DDX10: variants seen among roughly 807,000 people sequenced by gnomAD.
The protein encoded by DDX10 is DEAD-box helicase 10, also known as probable ATP-dependent RNA helicase DDX10.
In DDX10, 74 loss-of-function variants were observed where a neutral mutation model predicts 104.3. The observed-to-expected ratio is 0.71, with a 90% CI of 0.59 to 0.86. DDX10 has a LOEUF of 0.86. Ranked by LOEUF, DDX10 falls within the 40% of genes least tolerant of loss-of-function variation. The pLI is 0.00. For missense variants in DDX10, 952 were observed against 1,040.0 expected (o/e 0.92, Z 1.16); for synonymous variants, 351 against 353.4 (o/e 0.99, Z 0.08).
intron 13 of DDX10, among the ~76,000 whole-genome samples, chr11:108,757,912 G>A (rs2094346400): frequency 6.6e-6 from 1 of 151,742 alleles, no homozygotes; most frequent in Admixed American, 6.6e-5. Context: ...TAATGTAATT[G>A]CATTCCTTTC....
chr11:108,782,569 A>T (rs1861721018), intron 13 of DDX10, among the ~76,000 whole-genome samples: 1 of 152,144 alleles, frequency 6.6e-6, no homozygotes, highest in African/African-American at 2.4e-5. Flanking sequence ...TTTGTGTAAT[A>T]CTTAGCAATT....
At chr11:108,687,458 T>C (rs10890881) in intron 6 of DDX10, among the ~76,000 whole-genome samples, 18,679 of 152,138 alleles carry the variant, frequency 0.12, 1,562 homozygotes, top group East Asian at 0.27. Flanking sequence ...TATAGGCACA[T>C]GCCACCATGC....
At chr11:108,885,131 T>C (rs532630980) in intron 16 of DDX10, among the ~76,000 whole-genome samples, 21 of 152,318 alleles carry the variant, frequency 1.4e-4, no homozygotes, top group African/African-American at 5.1e-4. Flanking sequence ...TTTGTTGTTG[T>C]TGGTTTCATT....
chr11:108,838,341 G>GT (rs1781318992), intron 13 of DDX10, 105 bp from the exon 14 acceptor site: 20 of 1,216,762 alleles, frequency 1.6e-5, no homozygotes, highest in Middle Eastern at 3.0e-4. Context: ...TAGCCAATGA[G>GT]TAATAAATGT....
At chr11:108,709,546 T>G (rs1378187996) in intron 10 of DDX10, among the ~76,000 whole-genome samples, 1 of 152,226 alleles carries the variant, frequency 6.6e-6, no homozygotes, top group African/African-American at 2.4e-5. Flanking sequence ...GTCCATTTCA[T>G]CTAGGTTATC....
At chr11:108,746,516 A>C (rs573711637) in intron 13 of DDX10, among the ~76,000 whole-genome samples, 2 of 152,142 alleles carry the variant, frequency 1.3e-5, no homozygotes, top group African/African-American at 2.4e-5. Context: ...TTGATGTACA[A>C]ATTCCTCAGT....
At chr11:108,805,038 A>G (rs571289605) in intron 13 of DDX10, among the ~76,000 whole-genome samples, 3 of 152,354 alleles carry the variant, frequency 2.0e-5, no homozygotes, top group African/African-American at 7.2e-5. Flanking sequence ...TAGCACAAGG[A>G]GGCAGGATCC....
At chr11:108,674,767 G>A (rs149132065) in intron 2 of DDX10, among the ~76,000 whole-genome samples, 109 of 152,232 alleles carry the variant, frequency 7.2e-4, no homozygotes, top group African/African-American at 2.6e-3. Context: ...GCCTGCCTTG[G>A]CCTCCCAAAG....
chr11:108,708,295 A>ATTT (rs200144585), intron 10 of DDX10, among the ~76,000 whole-genome samples: 2 of 129,372 alleles, frequency 1.5e-5, no homozygotes, highest in Non-Finnish European at 3.1e-5. Flanking sequence ...AGATCATGTG[A>ATTT]TTTTTTTTTT....
At chr11:108,916,619 A>G (rs767083826) in intron 16 of DDX10, among the ~76,000 whole-genome samples, 3 of 152,224 alleles carry the variant, frequency 2.0e-5, no homozygotes, top group Non-Finnish European at 4.4e-5. Context: ...TCAAAGAATC[A>G]TTGAAGTTTA....
intron 16 of DDX10, among the ~76,000 whole-genome samples, chr11:108,910,773 G>C (rs74609427): frequency 0.018 from 2,492 of 134,788 alleles, 110 homozygotes; most frequent in African/African-American, 0.065. Context: ...GTGTGTGTGT[G>C]TGTGTGTGTG....
At chr11:108,687,198 G>A (rs554794259) in intron 6 of DDX10, among the ~76,000 whole-genome samples, 6 of 152,216 alleles carry the variant, frequency 3.9e-5, no homozygotes, top group South Asian at 2.1e-4. Context: ...CCTTGCCAGC[G>A]TTTGGTGTCG....
At position 108,723,209 on chromosome 11, in the gene DDX10, A is replaced by G; in HGVS notation, c.1712A>G (p.His571Arg). ...KGGKRLEGTEHRQDNDTGNEE... is the reference protein window; with the variant it reads ...KGGKRLEGTERRQDNDTGNEE... ...GGAAAAAGACTCGAAGGGACAGAGC[A>G]CAGACAGGATAATGATACTGGTAAT... The change falls in exon 13 of 18, where the codon CAC becomes CGC. Residue 571 changes from histidine to arginine, a missense_variant. By Grantham distance (29) the His-to-Arg change is conservative. Coordinates refer to ENST00000322536, the MANE Select transcript of DDX10 (RefSeq NM_004398.4). The G allele has an allele frequency of 6.2e-7, 1 of 1,613,828 alleles. No homozygotes were observed. Among genetic ancestry groups the G allele is most frequent in the Admixed American group, 1.7e-5 (1 of 59,960 alleles).
At chr11:108,870,593 T>A (rs1863067742) in intron 16 of DDX10, among the ~76,000 whole-genome samples, 1 of 152,248 alleles carries the variant, frequency 6.6e-6, no homozygotes, top group Non-Finnish European at 1.5e-5. Context: ...GTTTCCTTAC[T>A]GTCTCCAGAT....
chr11:108,835,553 G>C (rs1862543394), intron 13 of DDX10, among the ~76,000 whole-genome samples: 1 of 152,188 alleles, frequency 6.6e-6, no homozygotes, highest in Admixed American at 6.5e-5. Context: ...AATAACAAAT[G>C]AATGAAACAC....
chr11:108,703,248 C>T (rs2094271032), intron 9 of DDX10, among the ~76,000 whole-genome samples: 1 of 152,116 alleles, frequency 6.6e-6, no homozygotes, highest in Non-Finnish European at 1.5e-5. Flanking sequence ...TCTAAGATAT[C>T]ATGTTGTACA....
At chr11:108,768,974 G>A (rs1392224911) in intron 13 of DDX10, among the ~76,000 whole-genome samples, 1 of 152,086 alleles carries the variant, frequency 6.6e-6, no homozygotes, top group Non-Finnish European at 1.5e-5. Flanking sequence ...GCTCTGAAAT[G>A]TTGATTGGGT....
intron 13 of DDX10, among the ~76,000 whole-genome samples, chr11:108,804,983 A>T (rs537517266): frequency 6.6e-6 from 1 of 152,220 alleles, no homozygotes; most frequent in African/African-American, 2.4e-5. Context: ...GAAAATAGTT[A>T]TAAGTGCTGC....
At chr11:108,770,341 T>A (rs1433554576) in intron 13 of DDX10, among the ~76,000 whole-genome samples, 1 of 152,212 alleles carries the variant, frequency 6.6e-6, no homozygotes, top group Non-Finnish European at 1.5e-5. Context: ...CAATTACTAT[T>A]CACTATAGTC....
Sources: allele counts gnomAD v4.1 joint callset (sites outside exome capture counted in the v4.1 genomes callset), GRCh38; gene constraint gnomAD v4.1.1; transcripts MANE v1.5; gene names NCBI Gene and HGNC (gene_info 2026-07-23, HGNC 2026-07-21).